ASIC2: variants seen among roughly 807,000 people sequenced by gnomAD.
The protein encoded by ASIC2 is acid-sensing ion channel 2.
Under a neutral mutation model 57.3 loss-of-function variants are expected in ASIC2, and 25 were observed. The observed-to-expected ratio is 0.44, with a 90% CI of 0.32 to 0.61. The LOEUF is 0.61. ASIC2 is among the 20% of genes least tolerant of loss of function. The pLI, the probability that ASIC2 is intolerant of heterozygous loss-of-function variation, is 0.06. For synonymous variants in ASIC2, 319 were observed against 307.5 expected, an observed-to-expected ratio of 1.04 and a Z score of -0.39; for missense variants, 641 against 738.1, an observed-to-expected ratio of 0.87 and a Z score of 1.52.
At chr17:33,860,881 C>T (rs1265437061) in intron 1 of ASIC2, among the ~76,000 whole-genome samples, 5 of 152,182 alleles carry the variant, frequency 3.3e-5, no homozygotes, top group South Asian at 2.1e-4. Flanking sequence ...CTGTGCTAGA[C>T]GCTGGAGGTA....
At chr17:33,591,134 T>C (rs1383489130) in intron 1 of ASIC2, among the ~76,000 whole-genome samples, 1 of 152,236 alleles carries the variant, frequency 6.6e-6, no homozygotes, top group Non-Finnish European at 1.5e-5. Flanking sequence ...TAAAAGGCTG[T>C]CTACTTTTAA....
chr17:33,882,875 A>T (rs1365724433), intron 1 of ASIC2, among the ~76,000 whole-genome samples: 2 of 152,222 alleles, frequency 1.3e-5, no homozygotes, highest in Non-Finnish European at 2.9e-5. Context: ...TCCAACAATG[A>T]TAGACTAGAT....
intron 1 of ASIC2, among the ~76,000 whole-genome samples, chr17:33,365,610 T>C (rs1908778753): frequency 6.6e-6 from 1 of 152,330 alleles, no homozygotes; most frequent in South Asian, 2.1e-4. Context: ...CCATAAAATG[T>C]TCCTTGGCTT....
At chr17:33,650,717 G>A (rs1597821726) in intron 1 of ASIC2, among the ~76,000 whole-genome samples, 1 of 152,106 alleles carries the variant, frequency 6.6e-6, no homozygotes, top group South Asian at 2.1e-4. Context: ...GAAAAAAAAA[G>A]AAACAGTCTC....
intron 1 of ASIC2, among the ~76,000 whole-genome samples, chr17:33,394,067 C>T (rs574578792): frequency 8.5e-5 from 13 of 152,282 alleles, no homozygotes; most frequent in African/African-American, 2.9e-4. Context: ...TTTAGCACAC[C>T]TCTGGCACAC....
intron 1 of ASIC2, among the ~76,000 whole-genome samples, chr17:33,600,623 T>A (rs562891818): frequency 6.6e-6 from 1 of 152,200 alleles, no homozygotes; most frequent in Admixed American, 6.5e-5. Context: ...GGTGGCAATT[T>A]TTTTTAATTT....
In ASIC2 at chr17:33,072,004, T is replaced by C. The variant is rs115175476; in HGVS notation, c.987+16859A>G. Among the ~76,000 whole-genome samples the C allele has an allele frequency of 9.8e-3, 1,498 of 152,256 alleles. 25 individuals carry two copies. The highest frequency in any genetic ancestry group is 0.034 in the African/African-American group (1,404 of 41,550). ...CACATGCCTACCCCAATGAGGAATA[T>C]GCTGAATTTTCAAGGAGGATTTTTC... is the stretch of plus-strand genomic sequence containing the variant. On this transcript the variant is annotated intron_variant, in intron 3 of 9. Transcript: ENST00000225823.
At chr17:33,480,281 A>G (rs762863497) in intron 1 of ASIC2, among the ~76,000 whole-genome samples, 2 of 152,160 alleles carry the variant, frequency 1.3e-5, no homozygotes, top group Admixed American at 6.5e-5. Context: ...AGAAATAAAC[A>G]TAAAGAAAAA....
chr17:33,216,322 A>G (rs1725235537), intron 1 of ASIC2, among the ~76,000 whole-genome samples: 1 of 152,228 alleles, frequency 6.6e-6, no homozygotes, highest in South Asian at 2.1e-4. Flanking sequence ...CGTATGAGGG[A>G]TAATCCATTC....
intron 1 of ASIC2, among the ~76,000 whole-genome samples, chr17:33,257,907 C>T (rs943327263): frequency 3.6e-4 from 55 of 152,314 alleles, no homozygotes; most frequent in African/African-American, 1.3e-3. Flanking sequence ...TGTTTCCTTG[C>T]TTGCTAGGTG....
chr17:33,265,864 A>G lies in ASIC2; in HGVS notation c.708+25544T>C, dbSNP rs905460023. Reference sequence around the variant, plus strand: ...GGGAAGATCTCTATGTTCAAAGTATATTGACCCTCTTCTCAACCTCATCTT... The same window carrying G: ...GGGAAGATCTCTATGTTCAAAGTATGTTGACCCTCTTCTCAACCTCATCTT... On this transcript the variant is annotated intron_variant, in intron 1 of 9. Coordinates refer to ENST00000225823, the MANE Select transcript of ASIC2 (RefSeq NM_183377.2). 5.3e-5 allele frequency among the ~76,000 whole-genome samples: 8 copies of G among 152,092 alleles called. No individual in the cohort carries two copies. In the East Asian group the frequency reaches 1.5e-3, roughly 29 times the overall value.
chr17:33,840,575 C>A (rs995432909), intron 1 of ASIC2, among the ~76,000 whole-genome samples: 2 of 152,150 alleles, frequency 1.3e-5, no homozygotes, highest in African/African-American at 4.8e-5. Flanking sequence ...ATCCTGAAAT[C>A]TTTAAGCTGT....
At chr17:33,741,857 G>A (rs1267251732) in intron 1 of ASIC2, among the ~76,000 whole-genome samples, 2 of 152,178 alleles carry the variant, frequency 1.3e-5, no homozygotes, top group Non-Finnish European at 2.9e-5. Context: ...CCAGAGTTTG[G>A]AACAGAGGAT....
intron 3 of ASIC2, among the ~76,000 whole-genome samples, chr17:33,061,608 T>G (rs903529574): frequency 1.3e-5 from 2 of 152,200 alleles, no homozygotes; most frequent in Non-Finnish European, 2.9e-5. Context: ...ATCAGGGATA[T>G]TGGTCTAAAA....
chr17:33,332,437 G>A (rs1267105607), intron 1 of ASIC2, among the ~76,000 whole-genome samples: 6 of 151,962 alleles, frequency 3.9e-5, no homozygotes, highest in South Asian at 2.1e-4. Flanking sequence ...TTTTGGTATC[G>A]AATCTTGGCG....
rs61149172 is a variant in ASIC2 at position 33,650,451 on chromosome 17, T to C, written c.555+505527A>G. 9.0e-3 allele frequency among the ~76,000 whole-genome samples: 1,375 copies of C among 152,296 alleles called. 23 individuals carry two copies. Among genetic ancestry groups the C allele is most frequent in the African/African-American group, 0.031 (1,308 of 41,554 alleles). ...TAAAAAACTAAACACACGACTACCA[T>C]ATGACCCAGCAATTGCACCTCTGGG... On this transcript the variant is annotated intron_variant, in intron 1 of 9. Transcript: ENST00000359872.
chr17:33,609,275 A>G (rs1905318231), intron 1 of ASIC2, among the ~76,000 whole-genome samples: 1 of 152,096 alleles, frequency 6.6e-6, no homozygotes, highest in African/African-American at 2.4e-5. Flanking sequence ...AGAGACACTG[A>G]CGGCTTCCCA....
At chr17:33,198,540 C>T (rs190236504) in intron 1 of ASIC2, among the ~76,000 whole-genome samples, 63 of 152,330 alleles carry the variant, frequency 4.1e-4, no homozygotes, top group Non-Finnish European at 8.1e-4. Flanking sequence ...ATGGTTTCAA[C>T]CTGTCCTGCC....
At chr17:33,416,012 T>C (rs1223748111) in intron 1 of ASIC2, among the ~76,000 whole-genome samples, 2 of 152,176 alleles carry the variant, frequency 1.3e-5, no homozygotes, top group Non-Finnish European at 2.9e-5. Flanking sequence ...GGAGTGGTAG[T>C]TCATGCCATT....
Sources: allele counts gnomAD v4.1 joint callset (sites outside exome capture counted in the v4.1 genomes callset), GRCh38; gene constraint gnomAD v4.1.1; transcripts MANE v1.5; gene names NCBI Gene and HGNC (gene_info 2026-07-23, HGNC 2026-07-21).